Variants in DCAF8L2 observed in about 807,000 individuals in gnomAD.
DCAF8L2 encodes the protein DDB1- and CUL4-associated factor 8-like protein 2.
For synonymous variants in DCAF8L2, 200 were observed against 190.9 expected, an observed-to-expected ratio of 1.05 and a Z score of -0.39; for missense variants, 430 against 490.7, an observed-to-expected ratio of 0.88 and a Z score of 1.17.
the DCAF8L2 span, among the ~76,000 whole-genome samples, chrX:27,509,734 G>C: frequency 9.0e-5 from 10 of 111,534 alleles, no homozygotes; most frequent in Non-Finnish European, 1.7e-4. Flanking sequence ...CAAAATGTAA[G>C]TGTTAGTAAA....
chrX:27,587,010 C>T (rs185394149), upstream of DCAF8L2, among the ~76,000 whole-genome samples: 27 of 110,124 alleles, frequency 2.5e-4, no homozygotes, highest in African/African-American at 8.3e-4. Context: ...TTATCTTTTC[C>T]GAAACCTAAT....
the DCAF8L2 span, chrX:27,518,435 T>C: frequency 1.7e-6 from 1 of 578,380 alleles, no homozygotes; most frequent in Non-Finnish European, 3.0e-6. Context: ...GTGTCAACTA[T>C]TTTGAAATGA....
rs754807739 is a variant in DCAF8L2, at chrX:27,690,060, CTG to C, written c.-143+12150_-143+12151del. Among the ~76,000 whole-genome samples, 4 of 111,125 alleles carry C rather than the reference CTG, an allele frequency of 3.6e-5. No individual in the cohort carries two copies. The East Asian group carries it at 1.1e-3, about 31-fold the overall frequency. ...ACTTTTTTGGAGGATACATAAGACACTGTTTGTCAGTAGGGGATACTTCTGAA... is the reference window on the plus strand; with the variant it reads ...ACTTTTTTGGAGGATACATAAGACACTTTGTCAGTAGGGGATACTTCTGAA... On this transcript the variant is annotated intron_variant, in intron 3 of 4. Coordinates refer to ENST00000451261, the MANE Select transcript of DCAF8L2 (RefSeq NM_001353450.2).
intron 1 of DCAF8L2, among the ~76,000 whole-genome samples, chrX:27,610,857 G>T (rs750311769): frequency 2.0e-4 from 23 of 112,499 alleles, no homozygotes; most frequent in Non-Finnish European, 4.3e-4. Flanking sequence ...CGTGATTGCA[G>T]GTGCTGTGCT....
intron 1 of DCAF8L2, among the ~76,000 whole-genome samples, chrX:27,622,128 A>G (rs1174083991): frequency 9.0e-6 from 1 of 111,461 alleles, no homozygotes; most frequent in Non-Finnish European, 1.9e-5. Flanking sequence ...TTACATCTCT[A>G]TTCAACAGAG....
rs985344904 is a variant in DCAF8L2, at chrX:27,622,605, A to G, written c.-341-9274A>G. On this transcript the variant is annotated intron_variant, in intron 1 of 4. Coordinates refer to ENST00000451261, the MANE Select transcript of DCAF8L2 (RefSeq NM_001353450.2). ...ACATAAGTGAATTAGTGCTACGTTC[A>G]TATTTCCCACTAACATAATGCTGAC... 3.6e-5 allele frequency among the ~76,000 whole-genome samples: 4 copies of G among 111,220 alleles called. No homozygotes were observed. The Admixed American group carries it at 3.8e-4, about 11-fold the overall frequency.
chrX:27,549,214 A>G, the DCAF8L2 span, among the ~76,000 whole-genome samples: 471 of 112,004 alleles, frequency 4.2e-3, no homozygotes, highest in South Asian at 0.024. Context: ...TATGAAATAA[A>G]TCACTCTTAA....
intron 3 of DCAF8L2, among the ~76,000 whole-genome samples, chrX:27,687,681 C>T (rs771082303): frequency 9.0e-6 from 1 of 110,908 alleles, no homozygotes; most frequent in Non-Finnish European, 1.9e-5. Flanking sequence ...TAGGAAGATC[C>T]CGTCTACAAA....
chrX:27,472,961 C>T, the DCAF8L2 span, among the ~76,000 whole-genome samples: 3 of 111,939 alleles, frequency 2.7e-5, no homozygotes, highest in Non-Finnish European at 5.6e-5. Context: ...GACCCTTTCG[C>T]TTTTTGCAAC....
chrX:27,566,267 GCAGC>G, the DCAF8L2 span, among the ~76,000 whole-genome samples: 6 of 111,295 alleles, frequency 5.4e-5, no homozygotes, highest in Non-Finnish European at 1.1e-4. Context: ...ATCTGTGCTT[GCAGC>G]TTGAGTTTTC....
At chrX:27,700,214 T>C (rs1035051354) in intron 3 of DCAF8L2, among the ~76,000 whole-genome samples, 1 of 111,341 alleles carries the variant, frequency 9.0e-6, no homozygotes, top group Non-Finnish European at 1.9e-5. Context: ...GACCAATGTA[T>C]CTAAATCTTT....
At chrX:27,581,696 A>G in the DCAF8L2 span, among the ~76,000 whole-genome samples, 1 of 107,473 alleles carries the variant, frequency 9.3e-6, no homozygotes, top group Non-Finnish European at 1.9e-5. Flanking sequence ...TGATTCTCCT[A>G]CCTCACCTTG....
chrX:27,647,575 A>G (rs1458300311), intron 2 of DCAF8L2, among the ~76,000 whole-genome samples: 1 of 111,886 alleles, frequency 8.9e-6, no homozygotes, highest in Non-Finnish European at 1.9e-5. Flanking sequence ...AACATAAAAT[A>G]ATAAAAAATT....
chrX:27,507,615 T>G, the DCAF8L2 span, among the ~76,000 whole-genome samples: 1 of 112,080 alleles, frequency 8.9e-6, no homozygotes, highest in Non-Finnish European at 1.9e-5. Context: ...TTTTAATACT[T>G]GCTTCATTAC....
At chrX:27,734,100 A>C in intron 4 of DCAF8L2, among the ~76,000 whole-genome samples, 1 of 111,669 alleles carries the variant, frequency 9.0e-6, no homozygotes, top group Non-Finnish European at 1.9e-5. Context: ...GGGAAAACTG[A>C]AAGCTTTCTC....
chrX:27,649,233 A>T (rs191979190), intron 2 of DCAF8L2, among the ~76,000 whole-genome samples: 12 of 112,122 alleles, frequency 1.1e-4, no homozygotes, highest in African/African-American at 3.9e-4. Context: ...AGTTGATTCC[A>T]TGTCTTTGTT....
At chrX:27,627,991 A>G (rs1928115086) in intron 1 of DCAF8L2, among the ~76,000 whole-genome samples, 1 of 111,073 alleles carries the variant, frequency 9.0e-6, no homozygotes, top group South Asian at 3.8e-4. Context: ...TGAAGTATAA[A>G]ATACCATATT....
chrX:27,680,352 A>G (rs1315878050), intron 3 of DCAF8L2, among the ~76,000 whole-genome samples: 1 of 112,185 alleles, frequency 8.9e-6, no homozygotes, highest in Non-Finnish European at 1.9e-5. Context: ...AAGCATGTCA[A>G]CCACTGTTGG....
the DCAF8L2 span, among the ~76,000 whole-genome samples, chrX:27,547,920 A>C: frequency 1.4e-5 from 1 of 70,142 alleles, no homozygotes; most frequent in African/African-American, 6.1e-5. Context: ...TCCTGTTGCC[A>C]TGTGAAGATG....
Sources: gnomAD v4.1 joint callset for allele counts (sites outside exome capture counted in the v4.1 genomes callset) on GRCh38, gnomAD v4.1.1 for gene constraint, MANE v1.5 for transcripts, NCBI Gene and HGNC (gene_info 2026-07-23, HGNC 2026-07-21) for gene names.